Variants in MEGF11 observed in about 807,000 individuals in gnomAD.
The protein encoded by MEGF11 is multiple EGF like domains 11.
In MEGF11, 126 loss-of-function variants were observed where a neutral mutation model predicts 146.6. The observed-to-expected ratio is 0.86, with a 90% CI of 0.74 to 1.00. The LOEUF is 1.00. Ranked by LOEUF, MEGF11 falls within the 50% of genes least tolerant of loss-of-function variation. MEGF11 has a pLI of 0.00. For missense variants in MEGF11, 1,509 were observed against 1,521.2 expected, an observed-to-expected ratio of 0.99 and a Z score of 0.13; for synonymous variants, 532 against 583.4, an observed-to-expected ratio of 0.91 and a Z score of 1.27.
chr15:66,025,249 C>T (rs2083288248), intron 5 of MEGF11, among the ~76,000 whole-genome samples: 1 of 152,214 alleles, frequency 6.6e-6, no homozygotes, highest in African/African-American at 2.4e-5. Flanking sequence ...CTCCTTGCCC[C>T]CTCCTTGAAG....
chr15:66,222,515 T>C (rs1345204958), intron 1 of MEGF11, among the ~76,000 whole-genome samples: 1 of 152,164 alleles, frequency 6.6e-6, no homozygotes, highest in Non-Finnish European at 1.5e-5. Context: ...CACAATTGTG[T>C]TTGTCTTGTG....
chr15:65,917,062 C>G (rs936840933), intron 16 of MEGF11, 106 bp from the exon 17 acceptor site: 1 of 1,242,376 alleles, frequency 8.0e-7, no homozygotes, highest in Non-Finnish European at 1.1e-6. Flanking sequence ...CAAGATGGAC[C>G]TGGCTGACAT....
intron 1 of MEGF11, among the ~76,000 whole-genome samples, chr15:66,248,403 A>T (rs572016982): frequency 6.6e-6 from 1 of 152,204 alleles, no homozygotes; most frequent in African/African-American, 2.4e-5. Context: ...TTTTGTCACA[A>T]TGGATACCTG....
chr15:66,027,400 C>A (rs2083370541), intron 5 of MEGF11, among the ~76,000 whole-genome samples: 2 of 152,230 alleles, frequency 1.3e-5, no homozygotes, highest in South Asian at 4.1e-4. Flanking sequence ...AGTCACCATC[C>A]CTCACAGACA....
chr15:66,122,267 A>G (rs2088068610), intron 3 of MEGF11, among the ~76,000 whole-genome samples: 2 of 151,824 alleles, frequency 1.3e-5, no homozygotes, highest in South Asian at 4.2e-4. Flanking sequence ...CTGTCAAAAA[A>G]AAAAAACTAC....
At chr15:66,200,562 C>G (rs531994982) in intron 1 of MEGF11, among the ~76,000 whole-genome samples, 2 of 152,286 alleles carry the variant, frequency 1.3e-5, no homozygotes, top group African/African-American at 4.8e-5. Context: ...TCCCTCCCCC[C>G]GCCTTAGTTC....
At chr15:66,181,043 T>C (rs1232966321) in intron 1 of MEGF11, among the ~76,000 whole-genome samples, 1 of 152,292 alleles carries the variant, frequency 6.6e-6, no homozygotes, top group Non-Finnish European at 1.5e-5. Context: ...TTTGCTAAAG[T>C]AACCTAATTT....
At chr15:66,139,628 G>C (rs1042454087) in intron 1 of MEGF11, among the ~76,000 whole-genome samples, 1 of 151,638 alleles carries the variant, frequency 6.6e-6, no homozygotes, top group African/African-American at 2.4e-5. Context: ...AAAAAAATGG[G>C]AGGGAGAAAA....
At chr15:66,190,226 T>C (rs1240477088) in intron 1 of MEGF11, among the ~76,000 whole-genome samples, 3 of 152,164 alleles carry the variant, frequency 2.0e-5, no homozygotes, top group Non-Finnish European at 2.9e-5. Context: ...TATTCTGCAG[T>C]TGGAAGGATT....
intron 5 of MEGF11, among the ~76,000 whole-genome samples, chr15:66,080,469 T>C (rs983130451): frequency 6.6e-5 from 10 of 152,130 alleles, no homozygotes; most frequent in African/African-American, 2.4e-4. Flanking sequence ...TCCTGCCTCC[T>C]CCTCCTCCCT....
intron 1 of MEGF11, among the ~76,000 whole-genome samples, chr15:66,143,609 G>C (rs573998889): frequency 6.6e-6 from 1 of 152,330 alleles, no homozygotes; most frequent in Admixed American, 6.5e-5. Context: ...AATGACAGAG[G>C]CAGAGCGAGA....
intron 5 of MEGF11, among the ~76,000 whole-genome samples, chr15:66,092,269 T>C (rs2086351611): frequency 6.6e-6 from 1 of 152,228 alleles, no homozygotes; most frequent in African/African-American, 2.4e-5. Flanking sequence ...AAACATTCAG[T>C]GCTCTGAATG....
intron 18 of MEGF11, 118 bp from the exon 19 acceptor site, chr15:65,915,716 C>T: frequency 2.3e-6 from 3 of 1,314,206 alleles, no homozygotes; most frequent in Non-Finnish European, 3.1e-6. Flanking sequence ...AGCCTATTCC[C>T]TTAGCTCCTG....
intron 20 of MEGF11, among the ~76,000 whole-genome samples, chr15:65,913,037 T>C (rs909064336): frequency 6.6e-6 from 1 of 152,190 alleles, no homozygotes; most frequent in Non-Finnish European, 1.5e-5. Context: ...CTCTACTGTT[T>C]AGCCAATATG....
chr15:66,181,309 C>T (rs538163171), intron 1 of MEGF11, among the ~76,000 whole-genome samples: 2 of 152,284 alleles, frequency 1.3e-5, no homozygotes, highest in East Asian at 3.9e-4. Flanking sequence ...ACAATCACGG[C>T]TCACACGGCT....
intron 5 of MEGF11, among the ~76,000 whole-genome samples, chr15:66,023,724 C>T (rs2083236567): frequency 2.6e-5 from 4 of 152,198 alleles, no homozygotes; most frequent in South Asian, 4.1e-4. Flanking sequence ...GGATTACAGA[C>T]CCTGCTGCCC....
chr15:66,154,298 G>GCACT (rs1555477040), intron 1 of MEGF11, among the ~76,000 whole-genome samples: 10 of 151,758 alleles, frequency 6.6e-5, no homozygotes, highest in South Asian at 2.1e-4. Context: ...CCCCAACCTC[G>GCACT]CGCTCGCCCA....
Position 66,042,107 on chromosome 15 carries a change from CTTTTT to C in MEGF11, c.394+52290_394+52294del, listed in dbSNP as rs199704077. On this transcript the variant is annotated intron_variant, in intron 5 of 25. Transcript: ENST00000395614. Reference sequence around the variant, plus strand: ...AGACAGAATGCACAGATTTCTTTCCCTTTTTTTTTTTTTTTTTTCCTGAGACAGAG... The same window carrying C: ...AGACAGAATGCACAGATTTCTTTCCCTTTTTTTTTTTTTCCTGAGACAGAG... Among the ~76,000 whole-genome samples the C allele has an allele frequency of 7.9e-3, 1,123 of 143,004 alleles. 11 individuals are homozygous for C. Among genetic ancestry groups the C allele is most frequent in the African/African-American group, 0.02 (766 of 38,484 alleles). 93.8% of individuals were successfully genotyped at this position (143,004 alleles called of 152,430 possible).
chr15:66,011,282 G>A (rs1460122350), intron 5 of MEGF11, among the ~76,000 whole-genome samples: 2 of 152,158 alleles, frequency 1.3e-5, no homozygotes, highest in Non-Finnish European at 2.9e-5. Flanking sequence ...TGGGAGGCAG[G>A]TCAAAAGAGT....
Sources: gnomAD v4.1 joint callset for allele counts (sites outside exome capture counted in the v4.1 genomes callset) on GRCh38, gnomAD v4.1.1 for gene constraint, MANE v1.5 for transcripts, NCBI Gene and HGNC (gene_info 2026-07-23, HGNC 2026-07-21) for gene names.